CDH13: variants seen among roughly 807,000 people sequenced by gnomAD.
CDH13 encodes the protein cadherin 13.
Under a neutral mutation model 63.8 loss-of-function variants are expected in CDH13, and 24 were observed. The ratio of observed to expected loss-of-function variants is 0.38; its 90% CI spans 0.27 to 0.53. The LOEUF is 0.53. CDH13 is among the 20% of genes least tolerant of loss of function. The pLI, the probability that CDH13 is intolerant of heterozygous loss-of-function variation, is 0.85. For synonymous variants in CDH13, 503 were observed against 355.3 expected (o/e 1.42, Z -4.67); for missense variants, 1,049 against 903.1 (o/e 1.16, Z -2.07).
At chr16:83,495,126 A>G (rs1426208992) in intron 7 of CDH13, among the ~76,000 whole-genome samples, 7 of 152,232 alleles carry the variant, frequency 4.6e-5, no homozygotes, top group Admixed American at 4.6e-4. Flanking sequence ...ACCAAATATG[A>G]GTGACCATGG....
chr16:83,766,934 G>A (rs529584990), intron 11 of CDH13, among the ~76,000 whole-genome samples: 1 of 152,270 alleles, frequency 6.6e-6, no homozygotes, highest in African/African-American at 2.4e-5. Flanking sequence ...TGAAGAAGAT[G>A]CCTGCTTCTC....
chr16:83,788,011 C>T (rs1916000511), intron 13 of CDH13, among the ~76,000 whole-genome samples: 1 of 152,154 alleles, frequency 6.6e-6, no homozygotes, highest in Admixed American at 6.5e-5. Flanking sequence ...GCAGTACTTC[C>T]TATGTGATTG....
At chr16:82,935,052 C>G (rs1406849838) in intron 2 of CDH13, among the ~76,000 whole-genome samples, 1 of 152,164 alleles carries the variant, frequency 6.6e-6, no homozygotes. Context: ...CTTTATTAGT[C>G]TATTCTCACA....
intron 1 of CDH13, among the ~76,000 whole-genome samples, chr16:82,817,731 G>A (rs1361020569): frequency 1.3e-5 from 2 of 152,134 alleles, no homozygotes; most frequent in Non-Finnish European, 2.9e-5. Flanking sequence ...CTTGAACTCA[G>A]GAGGCAGAGG....
At chr16:83,475,076 T>G (rs2151545111) in intron 6 of CDH13, among the ~76,000 whole-genome samples, 1 of 152,328 alleles carries the variant, frequency 6.6e-6, no homozygotes, top group Non-Finnish European at 1.5e-5. Flanking sequence ...GGCTGCGTGA[T>G]TTGCAGAGCC....
intron 7 of CDH13, among the ~76,000 whole-genome samples, chr16:83,601,010 C>G (rs1024234073): frequency 6.6e-6 from 1 of 152,110 alleles, no homozygotes; most frequent in African/African-American, 2.4e-5. Context: ...AGGTCCACAC[C>G]ACAGGGAAAC....
chr16:83,081,101 G>A (rs373622406), intron 3 of CDH13, among the ~76,000 whole-genome samples: 74 of 151,782 alleles, frequency 4.9e-4, no homozygotes, highest in African/African-American at 1.7e-3. Flanking sequence ...GGCTGGTCTC[G>A]AACTCCCGAC....
At chr16:82,862,608 C>A (rs1211789437) in intron 2 of CDH13, among the ~76,000 whole-genome samples, 1 of 152,114 alleles carries the variant, frequency 6.6e-6, no homozygotes. Context: ...CCTCTTAGGC[C>A]ACCCACATGC....
At chr16:83,460,864 C>T (rs959808611) in intron 6 of CDH13, among the ~76,000 whole-genome samples, 1 of 147,362 alleles carries the variant, frequency 6.8e-6, no homozygotes, top group African/African-American at 2.5e-5. Context: ...AAAAGTTGGG[C>T]ATGGCGGCCC....
At chr16:82,784,184 C>T (rs949838729) in intron 1 of CDH13, among the ~76,000 whole-genome samples, 28 of 152,148 alleles carry the variant, frequency 1.8e-4, no homozygotes, top group Non-Finnish European at 3.8e-4. Flanking sequence ...GTGGGTGTTT[C>T]TTCTATGAAG....
At chr16:83,339,166 A>T (rs781663914) in intron 5 of CDH13, among the ~76,000 whole-genome samples, 1 of 152,102 alleles carries the variant, frequency 6.6e-6, no homozygotes, top group Non-Finnish European at 1.5e-5. Context: ...TGTGGGCAGG[A>T]TATGTTGATA....
At chr16:82,923,378 A>G (rs1429553485) in intron 2 of CDH13, among the ~76,000 whole-genome samples, 2 of 152,356 alleles carry the variant, frequency 1.3e-5, no homozygotes, top group Admixed American at 6.5e-5. Flanking sequence ...GTACATAAGC[A>G]TATTTACTGC....
chr16:82,761,618 G>A (rs1373166186), intron 1 of CDH13, among the ~76,000 whole-genome samples: 1 of 152,168 alleles, frequency 6.6e-6, no homozygotes, highest in East Asian at 1.9e-4. Context: ...CAGTTTGTAG[G>A]CTTGTGATTA....
chr16:83,031,927 T>A (rs1433328899), intron 2 of CDH13, 83 bp from the exon 3 acceptor site: 4 of 1,089,812 alleles, frequency 3.7e-6, no homozygotes, highest in South Asian at 1.5e-5. Flanking sequence ...ATGTGGTAAT[T>A]CACACTTAAT....
chr16:83,052,702 A>G (rs1293610078), intron 3 of CDH13, among the ~76,000 whole-genome samples: 1 of 146,638 alleles, frequency 6.8e-6, no homozygotes, highest in Non-Finnish European at 1.5e-5. Flanking sequence ...GCTTGAACCC[A>G]GAAGACAGAG....
chr16:83,694,612 A>C (rs1294346634), intron 10 of CDH13, among the ~76,000 whole-genome samples: 2 of 152,196 alleles, frequency 1.3e-5, no homozygotes, highest in Non-Finnish European at 2.9e-5. Context: ...CAGTTCCCAC[A>C]CTAAAGAGTG....
intron 1 of CDH13, among the ~76,000 whole-genome samples, chr16:82,642,527 A>T (rs1322150184): frequency 2.6e-5 from 4 of 152,182 alleles, no homozygotes; most frequent in Admixed American, 6.5e-5. Context: ...GCTTTCCATT[A>T]GTTAAATGTG....
At chr16:82,792,379 T>G (rs4783272) in intron 1 of CDH13, among the ~76,000 whole-genome samples, 130,458 of 151,892 alleles carry the variant, frequency 0.86, 56,473 homozygotes, top group South Asian at 0.92. Flanking sequence ...GGTGTGTGTG[T>G]GGGGCGTCAT....
At chr16:83,316,636 C>T (rs988393087) in intron 5 of CDH13, among the ~76,000 whole-genome samples, 21 of 152,132 alleles carry the variant, frequency 1.4e-4, no homozygotes, top group Non-Finnish European at 2.6e-4. Flanking sequence ...AGGTGAGATG[C>T]GTCACAGGCA....
Sources: allele counts gnomAD v4.1 joint callset (sites outside exome capture counted in the v4.1 genomes callset), GRCh38; gene constraint gnomAD v4.1.1; transcripts MANE v1.5; gene names NCBI Gene and HGNC (gene_info 2026-07-23, HGNC 2026-07-21).